The following FGF13 variants were observed in gnomAD, a reference collection of about 807,000 sequenced individuals.
The protein encoded by FGF13 is fibroblast growth factor homologous factor 2.
FGF13 carries 2 observed loss-of-function variants against 19.5 expected under a neutral mutation model. The ratio of observed to expected loss-of-function variants is 0.10; its 90% CI spans 0.04 to 0.32. FGF13 has a LOEUF of 0.32. Ranked by LOEUF, FGF13 falls within the 10% of genes least tolerant of loss-of-function variation. FGF13 has a pLI of 1.00. For synonymous variants in FGF13, 72 were observed against 76.9 expected (o/e 0.94, Z 0.33); for missense variants, 113 against 192.7 (o/e 0.59, Z 2.45).
intron 1 of FGF13, among the ~76,000 whole-genome samples, chrX:138,867,886 G>A (rs990329797): frequency 9.1e-6 from 1 of 109,607 alleles, no homozygotes; most frequent in Non-Finnish European, 1.9e-5. Context: ...TCAAGTTAAC[G>A]TGAAGGTGTC....
At chrX:139,134,523 C>T (rs972327505) in intron 1 of FGF13, among the ~76,000 whole-genome samples, 2 of 111,082 alleles carry the variant, frequency 1.8e-5, no homozygotes, top group African/African-American at 6.5e-5. Flanking sequence ...CCGTCCCTTG[C>T]ATCACCTTGC....
chrX:139,023,668 AAGTAT>A (rs1333633733), intron 1 of FGF13, among the ~76,000 whole-genome samples: 1 of 111,779 alleles, frequency 8.9e-6, no homozygotes, highest in Non-Finnish European at 1.9e-5. Context: ...AAGATTGGTT[AAGTAT>A]ATACAGTAAG....
At chrX:138,984,176 G>A (rs1289478407) in intron 1 of FGF13, among the ~76,000 whole-genome samples, 1 of 111,073 alleles carries the variant, frequency 9.0e-6, no homozygotes, top group Non-Finnish European at 1.9e-5. Context: ...GGCAGGCCAA[G>A]GCGGGCAGAT....
At chrX:138,922,270 G>A (rs1394557702) in intron 1 of FGF13, among the ~76,000 whole-genome samples, 7 of 111,523 alleles carry the variant, frequency 6.3e-5, no homozygotes, top group African/African-American at 2.3e-4. Context: ...GCTTTCAATG[G>A]CAGAATTTGA....
intron 1 of FGF13, among the ~76,000 whole-genome samples, chrX:139,196,732 A>G (rs914681266): frequency 1.1e-4 from 12 of 111,974 alleles, no homozygotes; most frequent in Admixed American, 9.4e-5. Flanking sequence ...CCATCTTGTT[A>G]GCTGAGTGAC....
intron 3 of FGF13, among the ~76,000 whole-genome samples, chrX:138,825,932 A>T (rs1449459386): frequency 9.0e-6 from 1 of 111,147 alleles, no homozygotes; most frequent in East Asian, 2.8e-4. Flanking sequence ...GGCTTCTTAA[A>T]TAGGGAGTTT....
intron 1 of FGF13, among the ~76,000 whole-genome samples, chrX:139,177,291 C>T (rs1344624434): frequency 2.2e-5 from 2 of 92,858 alleles, no homozygotes; most frequent in African/African-American, 4.0e-5. Flanking sequence ...TTCCTCCATC[C>T]CTTCACTTTG....
At chrX:138,700,644 T>C (rs928982051) in intron 3 of FGF13, among the ~76,000 whole-genome samples, 1 of 111,637 alleles carries the variant, frequency 9.0e-6, no homozygotes, top group African/African-American at 3.3e-5. Flanking sequence ...AAATTAATTC[T>C]AAAGAGGATT....
chrX:138,878,457 C>T (rs2091404284), intron 1 of FGF13, among the ~76,000 whole-genome samples: 1 of 108,105 alleles, frequency 9.3e-6, no homozygotes, highest in Non-Finnish European at 1.9e-5. Context: ...CAGTTTCATC[C>T]CTGCCCCTAC....
intron 3 of FGF13, among the ~76,000 whole-genome samples, chrX:138,701,972 A>G (rs951879766): frequency 1.8e-5 from 2 of 112,323 alleles, no homozygotes; most frequent in African/African-American, 3.2e-5. Context: ...TGAATTCAAA[A>G]CAAAGATTTA....
chrX:138,947,532 G>C (rs2091787837), intron 1 of FGF13, among the ~76,000 whole-genome samples: 1 of 111,739 alleles, frequency 8.9e-6, no homozygotes, highest in Admixed American at 9.5e-5. Context: ...CCTGTCACAT[G>C]GTAGGTGTTT....
intron 1 of FGF13, among the ~76,000 whole-genome samples, chrX:138,868,516 A>G (rs971240745): frequency 2.4e-4 from 27 of 111,229 alleles, no homozygotes; most frequent in African/African-American, 8.5e-4. Context: ...CTTGCCCGAA[A>G]TCTTCTCAGC....
intron 1 of FGF13, among the ~76,000 whole-genome samples, chrX:138,994,336 G>A (rs1040719910): frequency 7.2e-5 from 8 of 110,627 alleles, no homozygotes; most frequent in Non-Finnish European, 3.8e-5. Context: ...CCAACCTTAT[G>A]AACTCATCTA....
Position 138,755,413 on chromosome X carries a change from C to G in FGF13, c.218-46485G>C, listed in dbSNP as rs191683925. Among the ~76,000 whole-genome samples, 3 of 112,330 alleles carry G rather than the reference C, an allele frequency of 2.7e-5. No homozygotes were observed. In the Admixed American group the frequency reaches 2.8e-4, roughly 11 times the overall value. ...AATATTGGTTTTGATTTTTACACTT[C>G]AAGGTCCAACAATTTCTTGTGGAAT... is the stretch of plus-strand genomic sequence containing the variant. On this transcript the variant is annotated intron_variant, in intron 3 of 6. Coordinates refer to the FGF13 transcript ENST00000436198.
At chrX:138,909,603 G>A (rs971311339) in intron 1 of FGF13, among the ~76,000 whole-genome samples, 1 of 111,824 alleles carries the variant, frequency 8.9e-6, no homozygotes, top group African/African-American at 3.3e-5. Context: ...TTTATCACAA[G>A]GGCCAATAGC....
chrX:138,800,736 C>A (rs1005614139), intron 3 of FGF13, among the ~76,000 whole-genome samples: 1 of 111,872 alleles, frequency 8.9e-6, no homozygotes, highest in Admixed American at 9.5e-5. Flanking sequence ...TTGGTCTTTT[C>A]ACTTTTTCAC....
intron 1 of FGF13, among the ~76,000 whole-genome samples, chrX:138,728,002 A>G (rs1439920032): frequency 1.5e-4 from 17 of 111,779 alleles, no homozygotes; most frequent in Non-Finnish European, 3.0e-4. Flanking sequence ...ATATTATATT[A>G]TCCTTTCCAA....
At chrX:138,752,154 C>T (rs746290824) in intron 3 of FGF13, among the ~76,000 whole-genome samples, 4 of 111,871 alleles carry the variant, frequency 3.6e-5, no homozygotes, top group African/African-American at 9.7e-5. Context: ...CGGCCAGGCG[C>T]GGTGACTCAC....
At chrX:138,913,670 A>T (rs1172971932) in intron 1 of FGF13, among the ~76,000 whole-genome samples, 1 of 101,570 alleles carries the variant, frequency 9.8e-6, no homozygotes, top group African/African-American at 3.6e-5. Context: ...GGAAGGAAGG[A>T]AGGAAGGAAG....
Sources: allele counts gnomAD v4.1 joint callset (sites outside exome capture counted in the v4.1 genomes callset), GRCh38; gene constraint gnomAD v4.1.1; transcripts MANE v1.5; gene names NCBI Gene and HGNC (gene_info 2026-07-23, HGNC 2026-07-21).